The following ANKS1A variants were observed in gnomAD, a reference collection of about 807,000 sequenced individuals.
The protein encoded by ANKS1A is ankyrin repeat and SAM domain-containing protein 1A.
In ANKS1A, 55 loss-of-function variants were observed where a neutral mutation model predicts 120.3. The observed-to-expected ratio is 0.46, with a 90% CI of 0.37 to 0.57. The LOEUF (loss-of-function observed/expected upper bound fraction) is 0.57. Ranked by LOEUF, ANKS1A falls within the 20% of genes least tolerant of loss-of-function variation. The probability of loss-of-function intolerance (pLI) is 0.00; values close to 1 mark genes in which losing one functional copy is unlikely to be tolerated. For missense variants in ANKS1A, 1,123 were observed against 1,480.3 expected, an observed-to-expected ratio of 0.76 and a Z score of 3.96; for synonymous variants, 590 against 604.7, an observed-to-expected ratio of 0.98 and a Z score of 0.36.
At chr6:35,003,133 A>G (rs574887888) in intron 10 of ANKS1A, among the ~76,000 whole-genome samples, 3 of 152,184 alleles carry the variant, frequency 2.0e-5, no homozygotes, top group Admixed American at 6.5e-5. Context: ...TCCCGCAAAA[A>G]GAAAAGCATA....
intron 1 of ANKS1A, among the ~76,000 whole-genome samples, chr6:34,912,643 C>T (rs1345464876): frequency 6.6e-6 from 1 of 152,150 alleles, no homozygotes; most frequent in African/African-American, 2.4e-5. Context: ...GTAAGGATTT[C>T]AATAGACATT....
intron 10 of ANKS1A, among the ~76,000 whole-genome samples, chr6:35,016,007 A>T (rs1773985115): frequency 6.6e-6 from 1 of 152,226 alleles, no homozygotes; most frequent in Non-Finnish European, 1.5e-5. Context: ...GGCATCTCAC[A>T]TCCCTAAGGG....
intron 1 of ANKS1A, among the ~76,000 whole-genome samples, chr6:34,964,807 A>T (rs1770814546): frequency 6.6e-6 from 1 of 152,196 alleles, no homozygotes; most frequent in Non-Finnish European, 1.5e-5. Context: ...GATGGTGCCA[A>T]ATTGTCTTCC....
At chr6:35,052,609 TAAAAAAAAA>T (rs59378149) in intron 11 of ANKS1A, among the ~76,000 whole-genome samples, 2 of 102,432 alleles carry the variant, frequency 2.0e-5, no homozygotes, top group African/African-American at 4.0e-5. Flanking sequence ...TCTTCTCTGT[TAAAAAAAAA>T]AAAAAAAAAA....
At chr6:34,969,494 A>G (rs1771073069) in intron 2 of ANKS1A, among the ~76,000 whole-genome samples, 1 of 152,140 alleles carries the variant, frequency 6.6e-6, no homozygotes, top group Non-Finnish European at 1.5e-5. Context: ...ACCTCAGGTG[A>G]TCCACCCGCC....
At chr6:35,061,088 C>A (rs138108724) in intron 13 of ANKS1A, among the ~76,000 whole-genome samples, 1 of 152,176 alleles carries the variant, frequency 6.6e-6, no homozygotes, top group African/African-American at 2.4e-5. Context: ...TAGTGGTTTG[C>A]GTGAATTAGC....
At chr6:34,928,496 T>C (rs1198740772) in intron 1 of ANKS1A, among the ~76,000 whole-genome samples, 1 of 152,154 alleles carries the variant, frequency 6.6e-6, no homozygotes, top group African/African-American at 2.4e-5. Flanking sequence ...AAGGACCTTA[T>C]CCATGTTTGC....
intron 8 of ANKS1A, 113 bp from the exon 9 acceptor site, chr6:34,989,109 CAG>C (rs1772376116): frequency 1.2e-6 from 1 of 835,282 alleles, no homozygotes; most frequent in Admixed American, 2.7e-5. Flanking sequence ...TTTAGTCTCT[CAG>C]GGGAGTTCCA....
At chr6:34,984,404 G>C (rs1214437033) in intron 7 of ANKS1A, among the ~76,000 whole-genome samples, 1 of 152,132 alleles carries the variant, frequency 6.6e-6, no homozygotes, top group Non-Finnish European at 1.5e-5. Context: ...CGGGCTGAAG[G>C]GTGCCCAGCT....
In ANKS1A at chr6:35,082,677, CGT is replaced by C. The variant is rs754984361; in HGVS notation, c.2710-9_2710-8del. 1.3e-5 allele frequency: 21 copies of C among 1,603,010 alleles called. No homozygotes were observed. The South Asian group carries it at 1.9e-4, about 14-fold the overall frequency. On this transcript the variant is annotated splice_polypyrimidine_tract_variant and intron_variant, in intron 17 of 23. Coordinates refer to ENST00000360359, the MANE Select transcript of ANKS1A (RefSeq NM_015245.3). The surrounding 1 kb of genome is among the most constrained non-coding windows in gnomAD (Gnocchi z 4.1). ...GGAGCAAGGAGCAGGTGTCCAATTG[CGT>C]GTGTTTCGCAGGAGGAGCACCGTGA...
rs776194047 is a variant in ANKS1A at position 34,985,159 on chromosome 6, C to G, written c.1090C>G (p.Leu364Val). Residue 364 changes from leucine (L) to valine (V), a missense_variant, in exon 8 of 24, where the codon CTG becomes GTG. Leu to Val is a conservative substitution (Grantham distance 32, BLOSUM62 1). Coordinates refer to ENST00000360359, the MANE Select transcript of ANKS1A (RefSeq NM_015245.3). ...NAEEEGPYEA[L>V]YNAISCHSLD... ...TGAAGAAGAGGGTCCCTACGAAGCT[C>G]TGTATAATGCCATCTCCTGCCATTC... 3.7e-6 allele frequency: 6 copies of G among 1,614,182 alleles called. No homozygotes were observed. The Admixed American group carries it at 8.3e-5, about 22-fold the overall frequency.
chr6:35,014,308 T>G (rs1773903895), intron 10 of ANKS1A, among the ~76,000 whole-genome samples: 1 of 152,206 alleles, frequency 6.6e-6, no homozygotes, highest in East Asian at 1.9e-4. Flanking sequence ...CCTGGCTAAG[T>G]CATATGATTA....
Position 34,889,715 on chromosome 6 carries a change from G to T in ANKS1A, c.197+116G>T, listed in dbSNP as rs1341122354. 1.7e-6 allele frequency: 2 copies of T among 1,165,290 alleles called. No individual in the cohort carries two copies. Among genetic ancestry groups the T allele is most frequent in the African/African-American group, 1.6e-5 (1 of 61,810 alleles). 72.2% of individuals were successfully genotyped at this position (1,165,290 alleles called of 1,614,324 possible). A position where few individuals can be genotyped will look rare whatever the true frequency, so the allele number is the denominator to read the frequency against. ...CTCGGGCGGGGTGGGCTTGTGGCGT[G>T]CCCGGGGCGAGGCAGGCGGCCCGCG... On this transcript the variant is annotated intron_variant, in intron 1 of 23. Coordinates refer to ENST00000360359, the MANE Select transcript of ANKS1A (RefSeq NM_015245.3). The surrounding 1 kb of genome is among the most constrained non-coding windows in gnomAD (Gnocchi z 5.5).
intron 11 of ANKS1A, among the ~76,000 whole-genome samples, chr6:35,046,040 C>T (rs914915309): frequency 6.6e-6 from 1 of 152,194 alleles, no homozygotes; most frequent in African/African-American, 2.4e-5. Context: ...TATTTGATTT[C>T]AGGAGACAGA....
chr6:35,055,286 G>C (rs1467975061), intron 12 of ANKS1A, among the ~76,000 whole-genome samples: 1 of 152,054 alleles, frequency 6.6e-6, no homozygotes, highest in Non-Finnish European at 1.5e-5. Flanking sequence ...TTGGATAATA[G>C]TGTCAACCTC....
At chr6:35,045,659 C>T (rs1335826282) in intron 11 of ANKS1A, among the ~76,000 whole-genome samples, 1 of 152,188 alleles carries the variant, frequency 6.6e-6, no homozygotes, top group East Asian at 1.9e-4. Context: ...TTGAGCAGTG[C>T]CCACATATGG....
Position 34,983,436 on chromosome 6 carries a change from T to C in ANKS1A, c.1012+11T>C. The C allele has an allele frequency of 6.2e-7, 1 of 1,603,222 alleles. No individual in the cohort carries two copies. The highest frequency in any genetic ancestry group is 1.1e-5 in the South Asian group (1 of 89,776). ...CACAGAAGTCTCAGGGTAAGGTAAC[T>C]CTCCCCTATGAGTAAAGGGGTGCTC... is the stretch of plus-strand genomic sequence containing the variant. On this transcript the variant is annotated intron_variant, in intron 7 of 23. Coordinates refer to ENST00000360359, the MANE Select transcript of ANKS1A (RefSeq NM_015245.3).
At chr6:34,896,540 C>A (rs930776829) in intron 1 of ANKS1A, among the ~76,000 whole-genome samples, 1 of 152,166 alleles carries the variant, frequency 6.6e-6, no homozygotes, top group African/African-American at 2.4e-5. Flanking sequence ...TTGGAAATGA[C>A]TTTTGTGGTA....
At chr6:35,042,382 A>AT (rs369142006) in intron 11 of ANKS1A, among the ~76,000 whole-genome samples, 46 of 152,274 alleles carry the variant, frequency 3.0e-4, no homozygotes, top group African/African-American at 1.1e-3. Flanking sequence ...AGAAAGATGT[A>AT]TGTCCTAAAC....
Sources: gnomAD v4.1 joint callset for allele counts (sites outside exome capture counted in the v4.1 genomes callset) on GRCh38, gnomAD v4.1.1 for gene constraint, Gnocchi (gnomAD v3.1) non-coding constraint, MANE v1.5 for transcripts, NCBI Gene and HGNC (gene_info 2026-07-23, HGNC 2026-07-21) for gene names.